The following DLG2 variants were observed in gnomAD, a reference collection of about 807,000 sequenced individuals.
The protein encoded by DLG2 is discs large MAGUK scaffold protein 2, also known as disks large homolog 2.
DLG2 carries 45 observed loss-of-function variants against 132.5 expected under a neutral mutation model. The ratio of observed to expected loss-of-function variants is 0.34; its 90% CI spans 0.27 to 0.44. DLG2 has a LOEUF of 0.44. Ranked by LOEUF, DLG2 falls within the 20% of genes least tolerant of loss-of-function variation. The pLI is 1.00. For missense variants in DLG2, 1,045 were observed against 1,196.9 expected (o/e 0.87, Z 1.87); for synonymous variants, 424 against 419.6 (o/e 1.01, Z -0.13).
At chr11:84,908,601 C>T (rs1029724557) in intron 6 of DLG2, among the ~76,000 whole-genome samples, 1 of 152,016 alleles carries the variant, frequency 6.6e-6, no homozygotes, top group African/African-American at 2.4e-5. Context: ...TGAGTAGTAA[C>T]ATTGCCCTTA....
chr11:84,424,348 G>C (rs1472904247), intron 7 of DLG2, among the ~76,000 whole-genome samples: 1 of 152,100 alleles, frequency 6.6e-6, no homozygotes, highest in Non-Finnish European at 1.5e-5. Context: ...ATCAGAGGCA[G>C]AGAATGACAT....
chr11:83,997,523 T>C (rs902996894), intron 11 of DLG2, among the ~76,000 whole-genome samples: 2 of 151,484 alleles, frequency 1.3e-5, no homozygotes, highest in Non-Finnish European at 2.9e-5. Context: ...TCACTTGGGG[T>C]CAGGAGACCA....
intron 5 of DLG2, among the ~76,000 whole-genome samples, chr11:85,124,162 T>C (rs986466278): frequency 6.6e-6 from 1 of 152,248 alleles, no homozygotes; most frequent in African/African-American, 2.4e-5. Context: ...ACCTTATGTG[T>C]ATGTTGGCAC....
intron 17 of DLG2, among the ~76,000 whole-genome samples, chr11:83,806,023 A>G (rs2045824253): frequency 6.6e-6 from 1 of 152,084 alleles, no homozygotes; most frequent in Non-Finnish European, 1.5e-5. Context: ...CTTCATGTCC[A>G]TCCCTAGCCT....
intron 14 of DLG2, among the ~76,000 whole-genome samples, chr11:83,936,641 G>A (rs1341197477): frequency 1.3e-5 from 2 of 152,134 alleles, no homozygotes; most frequent in African/African-American, 4.8e-5. Flanking sequence ...GGAGACAAAG[G>A]GCAGAGTAAG....
intron 6 of DLG2, among the ~76,000 whole-genome samples, chr11:84,959,995 T>C (rs1426181809): frequency 6.6e-6 from 1 of 152,232 alleles, no homozygotes; most frequent in Non-Finnish European, 1.5e-5. Context: ...GAATAAGAAT[T>C]AGCATATAAT....
chr11:85,611,079 C>G (rs1442644107), intron 2 of DLG2, among the ~76,000 whole-genome samples: 1 of 152,208 alleles, frequency 6.6e-6, no homozygotes, highest in East Asian at 1.9e-4. Flanking sequence ...CTATATGTCA[C>G]AGAGACAGCA....
At chr11:85,444,919 G>A (rs2153035072) in intron 3 of DLG2, among the ~76,000 whole-genome samples, 1 of 152,286 alleles carries the variant, frequency 6.6e-6, no homozygotes, top group Admixed American at 6.5e-5. Context: ...AACCATTGCT[G>A]AGAAGATTTA....
intron 7 of DLG2, among the ~76,000 whole-genome samples, chr11:84,307,714 AAAG>A (rs1567239234): frequency 2.0e-5 from 3 of 147,148 alleles, no homozygotes; most frequent in African/African-American, 5.0e-5. Context: ...AAAAAAAAAA[AAAG>A]AAGCCGCGGA....
chr11:84,636,779 T>C (rs901422407), intron 6 of DLG2, among the ~76,000 whole-genome samples: 2 of 97,790 alleles, frequency 2.0e-5, no homozygotes, highest in Admixed American at 1.4e-4. Context: ...TCTCAAGGGA[T>C]GCACATTTTT....
intron 18 of DLG2, among the ~76,000 whole-genome samples, chr11:83,675,368 ATTC>A (rs1566475933): frequency 6.6e-6 from 1 of 152,260 alleles, no homozygotes; most frequent in East Asian, 1.9e-4. Flanking sequence ...ACAAAAATAT[ATTC>A]TTATTTGTCT....
intron 6 of DLG2, among the ~76,000 whole-genome samples, chr11:84,900,798 AT>A (rs1296210204): frequency 2.0e-5 from 3 of 151,934 alleles, no homozygotes; most frequent in African/African-American, 7.2e-5. Context: ...TCCTTTTTCT[AT>A]TTACCAAGCT....
At chr11:83,587,783 C>T (rs907452887) in intron 19 of DLG2, among the ~76,000 whole-genome samples, 20 of 152,080 alleles carry the variant, frequency 1.3e-4, no homozygotes, top group East Asian at 5.8e-4. Context: ...AGTGGGTGCG[C>T]GCACCGTGCG....
At chr11:85,551,470 A>G (rs1470846728) in intron 3 of DLG2, among the ~76,000 whole-genome samples, 2 of 152,180 alleles carry the variant, frequency 1.3e-5, no homozygotes, top group African/African-American at 4.8e-5. Context: ...TTAAATACTC[A>G]TATTTTAATG....
At chr11:85,537,393 T>C (rs1428943841) in intron 3 of DLG2, among the ~76,000 whole-genome samples, 2 of 152,200 alleles carry the variant, frequency 1.3e-5, no homozygotes, top group Non-Finnish European at 2.9e-5. Flanking sequence ...GCTCACTCTT[T>C]GGGTCCGCAA....
chr11:84,917,688 T>C (rs2154081574), intron 6 of DLG2, among the ~76,000 whole-genome samples: 1 of 152,326 alleles, frequency 6.6e-6, no homozygotes, highest in African/African-American at 2.4e-5. Flanking sequence ...TTCAATGTGC[T>C]GTTTTATCCT....
chr11:85,488,392 A>C (rs978184703), intron 3 of DLG2, among the ~76,000 whole-genome samples: 7 of 151,964 alleles, frequency 4.6e-5, no homozygotes, highest in Non-Finnish European at 8.8e-5. Flanking sequence ...GCGTCTAAAA[A>C]AAAAAAAACA....
At chr11:84,713,690 TAA>T (rs1242208399) in intron 6 of DLG2, among the ~76,000 whole-genome samples, 2 of 152,128 alleles carry the variant, frequency 1.3e-5, no homozygotes. Flanking sequence ...TGCAGCAATA[TAA>T]ATTTATATAA....
intron 6 of DLG2, among the ~76,000 whole-genome samples, chr11:84,815,485 C>T (rs2076996135): frequency 6.6e-6 from 1 of 151,988 alleles, no homozygotes. Flanking sequence ...GCTATCCTAG[C>T]ACCTGGTATA....
Sources: allele counts gnomAD v4.1 joint callset (sites outside exome capture counted in the v4.1 genomes callset), GRCh38; gene constraint gnomAD v4.1.1; transcripts MANE v1.5; gene names NCBI Gene and HGNC (gene_info 2026-07-23, HGNC 2026-07-21).